The following TIMP2 variants were observed in gnomAD, a reference collection of about 807,000 sequenced individuals.
TIMP2 encodes metalloproteinase inhibitor 2.
TIMP2 carries 5 observed loss-of-function variants against 24.3 expected under a neutral mutation model. The ratio of observed to expected loss-of-function variants is 0.21; its 90% CI spans 0.11 to 0.43. The LOEUF is 0.43. Among genes scored for constraint, TIMP2 ranks in the 20% least tolerant of loss-of-function variants. TIMP2 has a pLI of 1.00. For synonymous variants in TIMP2, 130 were observed against 123.2 expected, an observed-to-expected ratio of 1.06 and a Z score of -0.37; for missense variants, 221 against 297.5, an observed-to-expected ratio of 0.74 and a Z score of 1.89.
At chr17:78,868,498 G>A (rs548500196) in intron 3 of TIMP2, among the ~76,000 whole-genome samples, 1 of 152,062 alleles carries the variant, frequency 6.6e-6, no homozygotes, top group Non-Finnish European at 1.5e-5. Context: ...CAATCCGCCC[G>A]CCTCAGCCTC....
At chr17:78,875,690 C>G (rs2145756836) in intron 1 of TIMP2, among the ~76,000 whole-genome samples, 1 of 152,242 alleles carries the variant, frequency 6.6e-6, no homozygotes, top group Non-Finnish European at 1.5e-5. Context: ...AGGAGCAGAC[C>G]ACGCCAGGCT....
At chr17:78,909,463 C>T (rs965841554) in intron 1 of TIMP2, among the ~76,000 whole-genome samples, 1 of 151,186 alleles carries the variant, frequency 6.6e-6, no homozygotes, top group East Asian at 2.0e-4. Flanking sequence ...GACCTGAAGC[C>T]CACGAATGAC....
chr17:78,858,719 C>T (rs1243136887), intron 3 of TIMP2, among the ~76,000 whole-genome samples: 1 of 152,090 alleles, frequency 6.6e-6, no homozygotes, highest in Non-Finnish European at 1.5e-5. Context: ...GAAACAGGGT[C>T]TTGCTATGTT....
intron 3 of TIMP2, among the ~76,000 whole-genome samples, chr17:78,866,513 AC>A (rs1469130728): frequency 4.3e-4 from 31 of 72,216 alleles, no homozygotes; most frequent in African/African-American, 1.6e-3. Flanking sequence ...ACCCCTCCCC[AC>A]CCCCGACCCC....
At chr17:78,871,106 G>A (rs2069679459) in intron 2 of TIMP2, 100 bp from the exon 3 acceptor site, 1 of 866,062 alleles carries the variant, frequency 1.2e-6, no homozygotes, top group Non-Finnish European at 1.9e-6. Flanking sequence ...ACCTGTAGCT[G>A]GGGTACAGCC....
At chr17:78,863,585 C>T (rs544109960) in intron 3 of TIMP2, among the ~76,000 whole-genome samples, 1 of 152,250 alleles carries the variant, frequency 6.6e-6, no homozygotes, top group Non-Finnish European at 1.5e-5. Context: ...CTTTCAATGT[C>T]AGCTTTCTAC....
intron 1 of TIMP2, among the ~76,000 whole-genome samples, chr17:78,914,097 A>G (rs2070233119): frequency 6.6e-6 from 1 of 152,094 alleles, no homozygotes; most frequent in Non-Finnish European, 1.5e-5. Flanking sequence ...TTCCTCTGCG[A>G]GGGTGCAAGG....
intron 3 of TIMP2, among the ~76,000 whole-genome samples, chr17:78,863,131 G>A (rs2069580816): frequency 6.6e-6 from 1 of 152,236 alleles, no homozygotes; most frequent in African/African-American, 2.4e-5. Context: ...AATCTACAAA[G>A]TGTGCCCCAC....
In TIMP2 at chr17:78,874,136, C is replaced by T. The variant is rs540940994; in HGVS notation, c.131-217G>A. On this transcript the variant is annotated intron_variant, in intron 1 of 4. Transcript: ENST00000262768. ...GCCCAGCCTCCTCCTCCTCCTTCCA[C>T]GATTCTTCAACAAGAATCCCTTCTT... 5.6e-4 allele frequency: 289 copies of T among 514,330 alleles called. 1 individual carries two copies. The highest frequency in any genetic ancestry group is 7.6e-4 in the Non-Finnish European group (220 of 289,368). The allele number at this position is 514,330 out of a possible 1,614,324, so 31.9% of individuals were successfully genotyped here. A position where few individuals can be genotyped will look rare whatever the true frequency, so the allele number is the denominator to read the frequency against.
At chr17:78,888,577 C>T (rs577073074) in intron 1 of TIMP2, among the ~76,000 whole-genome samples, 9 of 152,236 alleles carry the variant, frequency 5.9e-5, no homozygotes, top group African/African-American at 1.4e-4. Context: ...CTCAGCCTCA[C>T]GAGTAGCTGG....
intron 1 of TIMP2, among the ~76,000 whole-genome samples, chr17:78,916,873 C>T (rs1568008962): frequency 1.3e-5 from 2 of 152,204 alleles, no homozygotes; most frequent in Admixed American, 6.5e-5. Flanking sequence ...CATACCCACC[C>T]CAGGACCTTT....
rs115966828 is a variant in TIMP2, at chr17:78,891,023, T to C, written c.131-17104A>G. 2,208 of 1,551,210 alleles carry C rather than the reference T, an allele frequency of 1.4e-3. 27 individuals are homozygous for C. The African/African-American group carries it at 0.028, about 19-fold the overall frequency. On this transcript the variant is annotated intron_variant, in intron 1 of 4. Transcript: ENST00000262768. The surrounding 1 kb of genome is among the most constrained non-coding windows in gnomAD (Gnocchi z 4.5). ...CCTGGATGCCGTCGAGCCCACTCTG[T>C]CTGCCTGGTCTTGAAGGTGGAGCTG... is the stretch of plus-strand genomic sequence containing the variant.
intron 3 of TIMP2, among the ~76,000 whole-genome samples, chr17:78,861,343 T>G (rs1047014196): frequency 4.6e-5 from 7 of 152,224 alleles, no homozygotes; most frequent in Admixed American, 2.6e-4. Flanking sequence ...GATTTGCCTT[T>G]CTTCTGCATC....
chr17:78,897,099 C>T (rs2070014022), intron 1 of TIMP2: 10 of 606,024 alleles, frequency 1.7e-5, no homozygotes, highest in Non-Finnish European at 2.1e-5. Context: ...GACAGCACCC[C>T]CCCGCCCCCC....
chr17:78,891,942 G>A lies in TIMP2; in HGVS notation c.131-18023C>T, dbSNP rs546192846. On this transcript the variant is annotated intron_variant, in intron 1 of 4. Coordinates refer to ENST00000262768, the MANE Select transcript of TIMP2 (RefSeq NM_003255.5). This position sits in a 1 kb window ranked among gnomAD's most constrained non-coding sequence, Gnocchi z 4.5. ...TTCCGGGGCCTGGAGTGCCTGGGGT[G>A]TTGCTGGCCCAACTCTTCCCTGCAA... is the stretch of plus-strand genomic sequence containing the variant. The A allele has an allele frequency of 1.1e-5, 17 of 1,550,586 alleles. No homozygotes were observed. Among genetic ancestry groups the A allele is most frequent in the Non-Finnish European group, 1.5e-5 (17 of 1,147,000 alleles).
chr17:78,883,006 T>C, intron 1 of TIMP2, among the ~76,000 whole-genome samples: 1 of 152,156 alleles, frequency 6.6e-6, no homozygotes, highest in East Asian at 1.9e-4. Flanking sequence ...AATTCACTCC[T>C]TTTAGGGAAA....
rs1276179879 is a variant in TIMP2 at position 78,914,255 on chromosome 17, CTATTCATTTATT to C, written c.130+10692_130+10703del. On this transcript the variant is annotated intron_variant, in intron 1 of 4. Coordinates refer to ENST00000262768, the MANE Select transcript of TIMP2 (RefSeq NM_003255.5). Reference sequence around the variant, plus strand: ...CATTCATCTGCCTTCGAAATTTTGGCTATTCATTTATTTATTTATTTATTTATTTATTTATTT... The same window carrying C: ...CATTCATCTGCCTTCGAAATTTTGGCTATTTATTTATTTATTTATTTATTT... Among the ~76,000 whole-genome samples, 29 of 106,666 alleles carry C rather than the reference CTATTCATTTATT, an allele frequency of 2.7e-4. No individual in the cohort carries two copies. The South Asian group carries it at 5.7e-3, about 21-fold the overall frequency. The allele number at this position is 106,666 out of a possible 152,430, so 70.0% of individuals were successfully genotyped here. A position where few individuals can be genotyped will look rare whatever the true frequency, so the allele number is the denominator to read the frequency against.
intron 1 of TIMP2, among the ~76,000 whole-genome samples, chr17:78,914,614 C>A (rs1196520131): frequency 1.3e-5 from 2 of 151,892 alleles, no homozygotes; most frequent in African/African-American, 4.8e-5. Flanking sequence ...TAGACAGAGT[C>A]TTGCTCTGTC....
intron 1 of TIMP2, among the ~76,000 whole-genome samples, chr17:78,905,579 G>T (rs1403165879): frequency 6.6e-6 from 1 of 152,246 alleles, no homozygotes; most frequent in African/African-American, 2.4e-5. Context: ...CAACAGGATG[G>T]CACGCTAGGC....
Sources: allele counts gnomAD v4.1 joint callset (sites outside exome capture counted in the v4.1 genomes callset), GRCh38; gene constraint gnomAD v4.1.1; non-coding constraint Gnocchi (gnomAD v3.1); transcripts MANE v1.5; gene names NCBI Gene and HGNC (gene_info 2026-07-23, HGNC 2026-07-21).